The following WWOX variants were observed in gnomAD, a reference collection of about 807,000 sequenced individuals.
WWOX encodes WW domain containing oxidoreductase, also known as WW domain-containing oxidoreductase.
Under a neutral mutation model 46.2 loss-of-function variants are expected in WWOX, and 69 were observed. The ratio of observed to expected loss-of-function variants is 1.49; its 90% CI spans 1.23 to 1.82. The LOEUF (loss-of-function observed/expected upper bound fraction) is 1.82. Ranked by LOEUF, WWOX falls within the 40% of genes most tolerant of loss-of-function variation. The pLI is 0.00. For synonymous variants in WWOX, 359 were observed against 202.6 expected (o/e 1.77, Z -6.56); for missense variants, 919 against 542.6 (o/e 1.69, Z -6.89).
chr16:78,848,848 C>T (rs1178654122), intron 8 of WWOX, among the ~76,000 whole-genome samples: 1 of 151,204 alleles, frequency 6.6e-6, no homozygotes, highest in Admixed American at 6.6e-5. Flanking sequence ...CTCTGAGATT[C>T]TGTATTTCCT....
chr16:79,052,678 G>A (rs556688372), intron 8 of WWOX, among the ~76,000 whole-genome samples: 26 of 152,264 alleles, frequency 1.7e-4, no homozygotes, highest in East Asian at 1.2e-3. Flanking sequence ...TAGAGTACAC[G>A]TGTCAGGTTA....
intron 8 of WWOX, among the ~76,000 whole-genome samples, chr16:79,010,631 A>T (rs1173003543): frequency 6.6e-6 from 1 of 152,148 alleles, no homozygotes; most frequent in Non-Finnish European, 1.5e-5. Flanking sequence ...CAAATCAGGG[A>T]AGGAGGAGAC....
At chr16:79,174,691 T>G (rs1462858093) in intron 8 of WWOX, among the ~76,000 whole-genome samples, 1 of 152,218 alleles carries the variant, frequency 6.6e-6, no homozygotes, top group Admixed American at 6.5e-5. Context: ...TGAATTTCTA[T>G]GTCCGCCCTA....
At chr16:79,054,014 G>T (rs549696410) in intron 8 of WWOX, among the ~76,000 whole-genome samples, 1 of 152,142 alleles carries the variant, frequency 6.6e-6, no homozygotes, top group South Asian at 2.1e-4. Context: ...ATCAGAGCAG[G>T]ACATGAACAG....
intron 8 of WWOX, chr16:79,101,514 C>G (rs1045402235): frequency 2.6e-5 from 4 of 152,138 alleles, no homozygotes; most frequent in African/African-American, 4.8e-5. Context: ...ATATCCCAGC[C>G]TAAGGGAATG....
intron 5 of WWOX, among the ~76,000 whole-genome samples, chr16:78,287,735 CA>C (rs1229160574): frequency 6.6e-6 from 1 of 152,018 alleles, no homozygotes; most frequent in Non-Finnish European, 1.5e-5. Context: ...AATTTTTAAA[CA>C]AAAAAGTTAC....
intron 8 of WWOX, among the ~76,000 whole-genome samples, chr16:79,033,755 C>T (rs1192244964): frequency 6.6e-6 from 1 of 152,204 alleles, no homozygotes; most frequent in Non-Finnish European, 1.5e-5. Flanking sequence ...CACCATTCTC[C>T]CCTACTTTGT....
At chr16:78,521,517 A>G (rs1357118208) in intron 8 of WWOX, among the ~76,000 whole-genome samples, 2 of 152,190 alleles carry the variant, frequency 1.3e-5, no homozygotes, top group Non-Finnish European at 2.9e-5. Flanking sequence ...TGGGCTAATT[A>G]TGTGTTTAGG....
chr16:78,915,008 C>G (rs1209017781), intron 8 of WWOX, among the ~76,000 whole-genome samples: 5 of 151,636 alleles, frequency 3.3e-5, no homozygotes, highest in Non-Finnish European at 7.4e-5. Flanking sequence ...GATAGTGGTT[C>G]ACACCAAAAA....
intron 8 of WWOX, among the ~76,000 whole-genome samples, chr16:78,829,594 C>A (rs1396509856): frequency 6.6e-6 from 1 of 152,112 alleles, no homozygotes; most frequent in Admixed American, 6.5e-5. Context: ...TGTTGTCATC[C>A]TGTGTCCAAG....
chr16:78,276,672 C>T (rs1347636164), intron 5 of WWOX, among the ~76,000 whole-genome samples: 1 of 152,198 alleles, frequency 6.6e-6, no homozygotes, highest in African/African-American at 2.4e-5. Context: ...GCTGTGATCT[C>T]TCAGTTGCTT....
At chr16:78,719,245 C>T (rs919101325) in intron 8 of WWOX, among the ~76,000 whole-genome samples, 5 of 152,162 alleles carry the variant, frequency 3.3e-5, no homozygotes, top group African/African-American at 4.8e-5. Context: ...GCCTGGCATA[C>T]GAACTTCCAC....
At chr16:78,662,259 G>C (rs984361520) in intron 8 of WWOX, among the ~76,000 whole-genome samples, 1 of 152,170 alleles carries the variant, frequency 6.6e-6, no homozygotes. Flanking sequence ...TCTGTACATA[G>C]AAGAATGTTT....
intron 8 of WWOX, among the ~76,000 whole-genome samples, chr16:78,759,682 A>G (rs1274582708): frequency 1.3e-5 from 2 of 152,206 alleles, no homozygotes; most frequent in Non-Finnish European, 2.9e-5. Context: ...GAATTTGAAC[A>G]TGAGACTGTA....
chr16:78,222,871 G>T (rs997466588), intron 5 of WWOX, among the ~76,000 whole-genome samples: 1 of 152,202 alleles, frequency 6.6e-6, no homozygotes, highest in African/African-American at 2.4e-5. Flanking sequence ...CTTCCCGCTC[G>T]CTGTGGAGCG....
intron 8 of WWOX, among the ~76,000 whole-genome samples, chr16:78,695,154 A>G (rs1331590118): frequency 6.6e-6 from 1 of 152,226 alleles, no homozygotes; most frequent in Non-Finnish European, 1.5e-5. Flanking sequence ...CAAATGAAAT[A>G]TGAACATTTG....
intron 5 of WWOX, among the ~76,000 whole-genome samples, chr16:78,195,897 G>A (rs764408923): frequency 3.3e-5 from 5 of 150,776 alleles, no homozygotes; most frequent in East Asian, 1.9e-4. Flanking sequence ...ATTGAATTCC[G>A]TTCCAACTGG....
At chr16:78,390,345 A>C (rs938126923) in intron 6 of WWOX, among the ~76,000 whole-genome samples, 19 of 152,196 alleles carry the variant, frequency 1.2e-4, no homozygotes, top group African/African-American at 4.6e-4. Context: ...GAAATCATCA[A>C]GTTCAAGTGC....
At chr16:78,169,804 G>T (rs1052879078) in intron 5 of WWOX, among the ~76,000 whole-genome samples, 1 of 152,078 alleles carries the variant, frequency 6.6e-6, no homozygotes, top group Admixed American at 6.5e-5. Flanking sequence ...AGGGGCGGTG[G>T]ATTGAGAGAG....
Sources: allele counts gnomAD v4.1 joint callset (sites outside exome capture counted in the v4.1 genomes callset), GRCh38; gene constraint gnomAD v4.1.1; transcripts MANE v1.5; gene names NCBI Gene and HGNC (gene_info 2026-07-23, HGNC 2026-07-21).